The following PRKN variants were observed in gnomAD, a reference collection of about 807,000 sequenced individuals.
PRKN encodes parkin RBR E3 ubiquitin protein ligase.
A neutral mutation model predicts 59.5 loss-of-function variants in PRKN; 56 were observed. That is an observed-to-expected ratio of 0.94 (90% confidence interval 0.76 to 1.18). The LOEUF is 1.18. PRKN is among the 50% of genes most tolerant of loss of function. PRKN has a pLI of 0.00. For missense variants in PRKN, 657 were observed against 596.4 expected, an observed-to-expected ratio of 1.10 and a Z score of -1.06; for synonymous variants, 250 against 222.1, an observed-to-expected ratio of 1.13 and a Z score of -1.12.
intron 2 of PRKN, among the ~76,000 whole-genome samples, chr6:162,280,660 G>A (rs909408661): frequency 7.2e-5 from 11 of 151,870 alleles, no homozygotes; most frequent in South Asian, 6.3e-4. Flanking sequence ...GCATGGTAGC[G>A]TGTGCCTGTA....
rs374873909 is a variant in PRKN at position 161,568,466 on chromosome 6, G to A, written c.933+889C>T. Among the ~76,000 whole-genome samples, 137 of 152,288 alleles carry A rather than the reference G, an allele frequency of 9.0e-4. 1 individual carries two copies. The highest frequency in any genetic ancestry group is 2.9e-4 in the Non-Finnish European group (20 of 68,028). On this transcript the variant is annotated intron_variant, in intron 8 of 11. Coordinates refer to ENST00000366898, the MANE Select transcript of PRKN (RefSeq NM_004562.3). ...AAATTAGCTGGGTGTGGTGGCGGGC[G>A]CCTGTAGTCCCAGCTGCTCAGGAGG...
In PRKN at chr6:161,497,567, TCTCTC is replaced by T. The variant is rs1777799759; in HGVS notation, c.1083+51282_1083+51286del. Among the ~76,000 whole-genome samples, 1 of 138,140 alleles carries T rather than the reference TCTCTC, an allele frequency of 7.2e-6. No homozygotes were observed. Among genetic ancestry groups the T allele is most frequent in the African/African-American group, 2.8e-5 (1 of 35,554 alleles). 90.6% of individuals were successfully genotyped at this position (138,140 alleles called of 152,430 possible). The stretch of plus-strand genomic sequence containing the variant: ...CAGTGCTTACATGTCTCTCTCTCTC[TCTCTC>T]TCTCTCACACACACACACACACACA... On this transcript the variant is annotated intron_variant, in intron 9 of 11. Coordinates refer to ENST00000366898, the MANE Select transcript of PRKN (RefSeq NM_004562.3). This position sits in a 1 kb window ranked among gnomAD's most constrained non-coding sequence, Gnocchi z 4.6.
intron 5 of PRKN, among the ~76,000 whole-genome samples, chr6:161,976,684 T>C (rs1781045565): frequency 6.6e-6 from 1 of 152,178 alleles, no homozygotes; most frequent in Non-Finnish European, 1.5e-5. Context: ...CTGACCCTTA[T>C]GAAATACGCT....
At position 161,412,151 on chromosome 6, in the gene PRKN, C is replaced by T. The variant is rs111210759; in HGVS notation, c.1084-25274G>A. 2.0e-3 allele frequency among the ~76,000 whole-genome samples: 289 copies of T among 147,828 alleles called. 2 individuals carry two copies. The highest frequency in any genetic ancestry group is 7.0e-3 in the African/African-American group (279 of 39,844). ...TTCCTTCACTCACTCATTCCTTCCT[C>T]ACTATTCTTCCACTCACTCATTCCT... On this transcript the variant is annotated intron_variant, in intron 9 of 11. Transcript: ENST00000366898.
At chr6:162,682,318 G>A (rs533235893) in intron 1 of PRKN, among the ~76,000 whole-genome samples, 5 of 151,850 alleles carry the variant, frequency 3.3e-5, no homozygotes, top group Admixed American at 6.6e-5. Flanking sequence ...TAGGTTCATC[G>A]TAGCACCCTT....
At chr6:161,733,798 G>GTGTATATATA (rs1787839642) in intron 7 of PRKN, among the ~76,000 whole-genome samples, 11 of 122,386 alleles carry the variant, frequency 9.0e-5, no homozygotes, top group African/African-American at 3.5e-4. Flanking sequence ...ATATATATAT[G>GTGTATATATA]TATATATATA....
chr6:162,510,204 T>C (rs766889052), intron 1 of PRKN, among the ~76,000 whole-genome samples: 31 of 152,220 alleles, frequency 2.0e-4, no homozygotes, highest in Non-Finnish European at 3.1e-4. Context: ...ATTTACTTAA[T>C]CCAAAACCAG....
intron 2 of PRKN, among the ~76,000 whole-genome samples, chr6:162,318,076 C>T (rs1782826023): frequency 2.0e-5 from 3 of 151,956 alleles, no homozygotes; most frequent in African/African-American, 7.2e-5. Flanking sequence ...CTTCCTGATT[C>T]CTACCCCTCT....
intron 2 of PRKN, among the ~76,000 whole-genome samples, chr6:162,390,394 TATACACACAC>T (rs1562725792): frequency 8.3e-6 from 1 of 120,754 alleles, no homozygotes; most frequent in Non-Finnish European, 1.6e-5. Flanking sequence ...TATATATATA[TATACACACAC>T]ACACACACAC....
chr6:162,571,473 C>T (rs1780324419), intron 1 of PRKN, among the ~76,000 whole-genome samples: 2 of 151,806 alleles, frequency 1.3e-5, no homozygotes, highest in Admixed American at 6.6e-5. Flanking sequence ...AATAGTTAGG[C>T]AAAAAAATTA....
intron 9 of PRKN, among the ~76,000 whole-genome samples, chr6:161,418,343 T>A (rs1787947540): frequency 6.6e-6 from 1 of 152,160 alleles, no homozygotes; most frequent in African/African-American, 2.4e-5. Flanking sequence ...ATTTTTGTGG[T>A]GGTGGTTGGG....
intron 9 of PRKN, among the ~76,000 whole-genome samples, chr6:161,450,240 C>A (rs1042969214): frequency 6.6e-6 from 1 of 152,164 alleles, no homozygotes; most frequent in Non-Finnish European, 1.5e-5. Context: ...AGACGCTGAG[C>A]CTTAGGGACC....
In PRKN at chr6:161,466,120, C is replaced by T. The variant is rs1409691711; in HGVS notation, c.1084-79243G>A. On this transcript the variant is annotated intron_variant, in intron 9 of 11. Coordinates refer to ENST00000366898, the MANE Select transcript of PRKN (RefSeq NM_004562.3). This position sits in a 1 kb window ranked among gnomAD's most constrained non-coding sequence, Gnocchi z 5.0. Reference sequence around the variant, plus strand: ...GGACACTTAAGACCTAGTCTTAGCACATTTCAAGTACACAATACAACATTA... The same window carrying T: ...GGACACTTAAGACCTAGTCTTAGCATATTTCAAGTACACAATACAACATTA... Among the ~76,000 whole-genome samples, 3 of 152,108 alleles carry T rather than the reference C, an allele frequency of 2.0e-5. No homozygotes were observed. Among genetic ancestry groups the T allele is most frequent in the African/African-American group, 7.2e-5 (3 of 41,430 alleles).
chr6:162,701,862 CAT>C (rs1397284752), intron 1 of PRKN, among the ~76,000 whole-genome samples: 28 of 111,736 alleles, frequency 2.5e-4, no homozygotes, highest in Non-Finnish European at 3.5e-4. Flanking sequence ...CACATACATA[CAT>C]ACACACACAC....
At chr6:162,418,332 C>T (rs918665646) in intron 2 of PRKN, among the ~76,000 whole-genome samples, 23 of 152,120 alleles carry the variant, frequency 1.5e-4, no homozygotes, top group African/African-American at 5.5e-4. Flanking sequence ...TTAATGGTTG[C>T]CAGGAACTGA....
chr6:162,402,450 G>A (rs12662676), intron 2 of PRKN, among the ~76,000 whole-genome samples: 3 of 151,512 alleles, frequency 2.0e-5, no homozygotes, highest in African/African-American at 7.3e-5. Context: ...ACTCCCTCAC[G>A]GTAAAACAAA....
chr6:161,694,042 C>T (rs1325817186), intron 7 of PRKN, among the ~76,000 whole-genome samples: 1 of 152,168 alleles, frequency 6.6e-6, no homozygotes, highest in Non-Finnish European at 1.5e-5. Context: ...AATGGTGTTA[C>T]CTCAAGCATT....
At chr6:162,104,013 C>G (rs765415875) in intron 4 of PRKN, among the ~76,000 whole-genome samples, 9 of 152,200 alleles carry the variant, frequency 5.9e-5, no homozygotes, top group Non-Finnish European at 8.8e-5. Flanking sequence ...AGCAAAGCCC[C>G]TCCATGAAGG....
rs1225460073 is a variant in PRKN, at chr6:162,587,138, C to T, written c.7+140524G>A. ...ACATAAGCACACAGTAGCATTTATT[C>T]TTATTTTTGCTTTTTTGAGATGGAG... On this transcript the variant is annotated intron_variant, in intron 1 of 11. Coordinates refer to ENST00000366898, the MANE Select transcript of PRKN (RefSeq NM_004562.3). 1.3e-5 allele frequency among the ~76,000 whole-genome samples: 2 copies of T among 151,874 alleles called. 1 individual carries two copies. The highest frequency in any genetic ancestry group is 2.9e-5 in the Non-Finnish European group (2 of 67,946).
Sources: allele counts gnomAD v4.1 joint callset (sites outside exome capture counted in the v4.1 genomes callset), GRCh38; gene constraint gnomAD v4.1.1; non-coding constraint Gnocchi (gnomAD v3.1); transcripts MANE v1.5; gene names NCBI Gene and HGNC (gene_info 2026-07-23, HGNC 2026-07-21).